The following HNRNPC variants were observed in gnomAD, a reference collection of about 807,000 sequenced individuals.
HNRNPC encodes heterogeneous nuclear ribonucleoproteins C1/C2.
HNRNPC carries 3 observed loss-of-function variants against 33.2 expected under a neutral mutation model. The observed-to-expected ratio is 0.09, with a 90% confidence interval of 0.04 to 0.23. The LOEUF (loss-of-function observed/expected upper bound fraction) is 0.23, where lower values mean the gene tolerates loss of function less well. Ranked by LOEUF, HNRNPC falls within the 10% of genes least tolerant of loss-of-function variation. The pLI, the probability that HNRNPC is intolerant of heterozygous loss-of-function variation, is 1.00. For synonymous variants in HNRNPC, 121 were observed against 126.7 expected, an observed-to-expected ratio of 0.96 and a Z score of 0.30; for missense variants, 143 against 366.7, an observed-to-expected ratio of 0.39 and a Z score of 4.98.
At chr14:21,219,176 A>T (rs1457455653) in intron 5 of HNRNPC, among the ~76,000 whole-genome samples, 1 of 152,074 alleles carries the variant, frequency 6.6e-6, no homozygotes, top group Non-Finnish European at 1.5e-5. Context: ...TTCTCATTTT[A>T]TCAACATAGA....
intron 5 of HNRNPC, 87 bp from the exon 6 acceptor site, chr14:21,213,204 A>G: frequency 2.3e-6 from 3 of 1,325,654 alleles, no homozygotes; most frequent in Non-Finnish European, 3.1e-6. Flanking sequence ...TAGTAAGTGA[A>G]TATTGTCTCT....
At chr14:21,243,311 G>A (rs886392433) in intron 2 of HNRNPC, among the ~76,000 whole-genome samples, 2 of 152,100 alleles carry the variant, frequency 1.3e-5, no homozygotes, top group Non-Finnish European at 2.9e-5. Flanking sequence ...TGCGTATCAT[G>A]TTTGCTGAAG....
intron 2 of HNRNPC, among the ~76,000 whole-genome samples, chr14:21,244,083 C>T (rs532596745): frequency 8.3e-4 from 125 of 151,406 alleles, no homozygotes; most frequent in African/African-American, 2.7e-3. Flanking sequence ...GGCTGGATTG[C>T]AGTGTTGCGA....
At chr14:21,243,826 T>C (rs1428948295) in intron 2 of HNRNPC, among the ~76,000 whole-genome samples, 1 of 152,186 alleles carries the variant, frequency 6.6e-6, no homozygotes, top group African/African-American at 2.4e-5. Context: ...AAAAACATGG[T>C]AGAATACTTA....
intron 2 of HNRNPC, among the ~76,000 whole-genome samples, chr14:21,261,779 G>C (rs1428405732): frequency 6.6e-6 from 1 of 152,152 alleles, no homozygotes; most frequent in African/African-American, 2.4e-5. Context: ...CTCCCAGCTT[G>C]AAACCTATCA....
chr14:21,222,572 ATT>A (rs1892947085), intron 5 of HNRNPC, among the ~76,000 whole-genome samples: 4 of 152,092 alleles, frequency 2.6e-5, no homozygotes, highest in Admixed American at 2.6e-4. Flanking sequence ...GTTGATGGAC[ATT>A]TGAGTTTTTC....
chr14:21,219,957 A>G (rs547127655), intron 5 of HNRNPC, among the ~76,000 whole-genome samples: 2 of 152,324 alleles, frequency 1.3e-5, no homozygotes, highest in African/African-American at 4.8e-5. Context: ...TCACAACATA[A>G]GCAAATTTCT....
chr14:21,243,193 A>G (rs1349101127), intron 2 of HNRNPC, among the ~76,000 whole-genome samples: 1 of 152,188 alleles, frequency 6.6e-6, no homozygotes, highest in Admixed American at 6.5e-5. Context: ...TTTACTATCA[A>G]TTGTTTAATT....
At chr14:21,239,835 C>T (rs1005497805) in intron 2 of HNRNPC, among the ~76,000 whole-genome samples, 3 of 152,102 alleles carry the variant, frequency 2.0e-5, no homozygotes, top group Non-Finnish European at 4.4e-5. Context: ...GATCATGCCA[C>T]TGCACTCCAG....
At chr14:21,241,326 A>C (rs1296358526) in intron 2 of HNRNPC, among the ~76,000 whole-genome samples, 1 of 151,962 alleles carries the variant, frequency 6.6e-6, no homozygotes, top group Non-Finnish European at 1.5e-5. Context: ...CATTCAATTC[A>C]AATTAAATGC....
At chr14:21,230,726 T>G (rs1483460072) in intron 4 of HNRNPC, 5 of 501,886 alleles carry the variant, frequency 1.0e-5, no homozygotes, top group Non-Finnish European at 1.7e-5. Context: ...TTTCAGGTTA[T>G]GCTATAAATA....
intron 2 of HNRNPC, among the ~76,000 whole-genome samples, chr14:21,242,414 G>A (rs184220037): frequency 3.3e-5 from 5 of 152,306 alleles, no homozygotes; most frequent in South Asian, 2.1e-4. Flanking sequence ...AACCCAAGAC[G>A]CGGAGGTTGC....
rs10672627 is a variant in HNRNPC, at chr14:21,225,440, GA to G, written c.365+4878del. On this transcript the variant is annotated intron_variant, in intron 5 of 8. Coordinates refer to ENST00000553300, the MANE Select transcript of HNRNPC (RefSeq NM_004500.4). Reference sequence around the variant, plus strand: ...GAGCAAGACTCTGTCTCAAAAAAAGGAAAAAAAAAAACAGAGAGAGATGAGA... The same window carrying G: ...GAGCAAGACTCTGTCTCAAAAAAAGGAAAAAAAAAACAGAGAGAGATGAGA... Among the ~76,000 whole-genome samples the G allele has an allele frequency of 5.3e-3, 755 of 143,044 alleles. 18 individuals carry two copies. Among genetic ancestry groups the G allele is most frequent in the East Asian group, 7.4e-3 (37 of 4,990 alleles). 93.8% of individuals were successfully genotyped at this position (143,044 alleles called of 152,430 possible). A position where few individuals can be genotyped will look rare whatever the true frequency, so the allele number is the denominator to read the frequency against.
At chr14:21,253,560 A>G (rs1177632488) in intron 2 of HNRNPC, among the ~76,000 whole-genome samples, 1 of 152,088 alleles carries the variant, frequency 6.6e-6, no homozygotes. Context: ...AGAAATATAG[A>G]CAACATTGTA....
intron 5 of HNRNPC, among the ~76,000 whole-genome samples, chr14:21,228,824 C>A (rs1478495230): frequency 1.3e-5 from 2 of 152,004 alleles, no homozygotes; most frequent in African/African-American, 2.4e-5. Flanking sequence ...GTGGCTCACA[C>A]CTGTAATCCC....
intron 1 of HNRNPC, among the ~76,000 whole-genome samples, chr14:21,266,382 A>G (rs1028877117): frequency 2.2e-4 from 34 of 152,166 alleles, no homozygotes; most frequent in Non-Finnish European, 3.2e-4. Flanking sequence ...TACAGGCATG[A>G]GCAGCCACAC....
chr14:21,220,241 T>TG (rs966526639), intron 5 of HNRNPC, among the ~76,000 whole-genome samples: 10 of 151,470 alleles, frequency 6.6e-5, no homozygotes, highest in African/African-American at 2.4e-4. Flanking sequence ...ATTTCTGGTT[T>TG]TTTTTTTTTT....
intron 1 of HNRNPC, chr14:21,263,982 C>T (rs1878583285): frequency 1.3e-5 from 2 of 152,210 alleles, no homozygotes; most frequent in African/African-American, 4.8e-5. Context: ...AGAATCACCT[C>T]TACCAGTGAC....
At chr14:21,267,110 A>G (rs1216379765) in intron 1 of HNRNPC, among the ~76,000 whole-genome samples, 1 of 65,080 alleles carries the variant, frequency 1.5e-5, no homozygotes. Flanking sequence ...AAAAAAAAAA[A>G]AAAAAAAAAA....
Sources: gnomAD v4.1 joint callset for allele counts (sites outside exome capture counted in the v4.1 genomes callset) on GRCh38, gnomAD v4.1.1 for gene constraint, MANE v1.5 for transcripts, NCBI Gene and HGNC (gene_info 2026-07-23, HGNC 2026-07-21) for gene names.